Variants in TMEM132D observed in about 807,000 individuals in gnomAD.
The protein encoded by TMEM132D is transmembrane protein 132D.
Under a neutral mutation model 62.3 loss-of-function variants are expected in TMEM132D, and 21 were observed. The observed-to-expected ratio is 0.34, with a 90% CI of 0.24 to 0.49. The LOEUF (loss-of-function observed/expected upper bound fraction) is 0.49, where lower values mean the gene tolerates loss of function less well. TMEM132D is among the 20% of genes least tolerant of loss of function. The probability of loss-of-function intolerance (pLI) is 0.99; values close to 1 mark genes in which losing one functional copy is unlikely to be tolerated. For missense variants in TMEM132D, 1,346 were observed against 1,402.8 expected (o/e 0.96, Z 0.65); for synonymous variants, 621 against 575.6 (o/e 1.08, Z -1.13).
intron 3 of TMEM132D, among the ~76,000 whole-genome samples, chr12:129,478,812 T>C (rs1874346381): frequency 6.6e-6 from 1 of 152,186 alleles, no homozygotes; most frequent in South Asian, 2.1e-4. Context: ...ATCCGAGCTT[T>C]AGTCCCTTGA....
At chr12:129,193,861 T>A (rs1878477340) in intron 5 of TMEM132D, among the ~76,000 whole-genome samples, 1 of 152,194 alleles carries the variant, frequency 6.6e-6, no homozygotes, top group Non-Finnish European at 1.5e-5. Flanking sequence ...GACTACAATG[T>A]GTGCTAAGTG....
At chr12:129,548,690 A>T (rs1876806656) in intron 2 of TMEM132D, among the ~76,000 whole-genome samples, 1 of 143,554 alleles carries the variant, frequency 7.0e-6, no homozygotes, top group African/African-American at 2.6e-5. Context: ...CTCACACTTC[A>T]CATGTGACCT....
At chr12:129,538,834 A>C (rs865985075) in intron 2 of TMEM132D, among the ~76,000 whole-genome samples, 1 of 151,766 alleles carries the variant, frequency 6.6e-6, no homozygotes, top group African/African-American at 2.4e-5. Context: ...CCCTGGCAAT[A>C]GGTCAGAAGG....
At chr12:129,075,359 G>C (rs752584660) in intron 8 of TMEM132D, among the ~76,000 whole-genome samples, 6 of 150,996 alleles carry the variant, frequency 4.0e-5, no homozygotes, top group Non-Finnish European at 7.4e-5. Flanking sequence ...ATAAAAGGAA[G>C]ATGGGCCCTT....
At chr12:129,552,649 CATCT>C (rs999531355) in intron 2 of TMEM132D, among the ~76,000 whole-genome samples, 3 of 152,140 alleles carry the variant, frequency 2.0e-5, no homozygotes, top group Admixed American at 1.3e-4. Flanking sequence ...ATCTACATAG[CATCT>C]ATCTACCTAC....
At chr12:129,262,085 ATT>A (rs145712166) in intron 4 of TMEM132D, among the ~76,000 whole-genome samples, 2 of 152,102 alleles carry the variant, frequency 1.3e-5, no homozygotes, top group South Asian at 4.2e-4. Flanking sequence ...CTGGCTGAAA[ATT>A]TGCATCCAGA....
chr12:129,455,140 T>C (rs1259926783), intron 3 of TMEM132D, among the ~76,000 whole-genome samples: 1 of 152,212 alleles, frequency 6.6e-6, no homozygotes, highest in Non-Finnish European at 1.5e-5. Flanking sequence ...AAGCATGCTA[T>C]TAGGTTCCAG....
chr12:129,494,739 T>G (rs1248405947), intron 3 of TMEM132D, among the ~76,000 whole-genome samples: 1 of 152,156 alleles, frequency 6.6e-6, no homozygotes, highest in African/African-American at 2.4e-5. Context: ...CTCCTACAAC[T>G]GAATAAAATC....
intron 2 of TMEM132D, among the ~76,000 whole-genome samples, chr12:129,697,768 G>A (rs1881241105): frequency 6.6e-6 from 1 of 152,140 alleles, no homozygotes; most frequent in Non-Finnish European, 1.5e-5. Context: ...CACACATAGT[G>A]AATTTCTCTT....
intron 4 of TMEM132D, among the ~76,000 whole-genome samples, chr12:129,230,694 C>G (rs1034059877): frequency 5.9e-5 from 9 of 152,192 alleles, no homozygotes; most frequent in African/African-American, 2.2e-4. Flanking sequence ...TGAGAGCTCC[C>G]ATGAACTCAA....
In TMEM132D at chr12:129,835,474, A is replaced by G. The variant is rs565110017; in HGVS notation, c.79+67787T>C. Among the ~76,000 whole-genome samples the G allele has an allele frequency of 1.1e-4, 16 of 152,174 alleles. No individual in the cohort carries two copies. In the East Asian group the frequency reaches 2.9e-3, roughly 28 times the overall value. ...TCCGGCTAATTGTTTTATTTTTAGT[A>G]GAGACAAGGTTTCACCATGTTGTCC... On this transcript the variant is annotated intron_variant, in intron 1 of 8. Transcript: ENST00000422113.
At chr12:129,198,557 C>T (rs1205186762) in intron 5 of TMEM132D, among the ~76,000 whole-genome samples, 2 of 152,072 alleles carry the variant, frequency 1.3e-5, no homozygotes, top group East Asian at 3.8e-4. Context: ...ATTCACAAGG[C>T]CCAGAAAGAC....
At chr12:129,432,651 ATTTCTGGGCCACCTCCTT>A (rs777062048) in intron 3 of TMEM132D, among the ~76,000 whole-genome samples, 6 of 152,214 alleles carry the variant, frequency 3.9e-5, no homozygotes, top group South Asian at 2.1e-4. Context: ...TGCAGTAACC[ATTTCTGGGCCACCTCCTT>A]TTAATTAATT....
chr12:129,614,025 G>C (rs1203706282), intron 2 of TMEM132D, among the ~76,000 whole-genome samples: 1 of 151,602 alleles, frequency 6.6e-6, no homozygotes, highest in African/African-American at 2.4e-5. Flanking sequence ...CAGAACCCAG[G>C]TGACTGTCTC....
At position 129,073,105 on chromosome 12, in the gene TMEM132D, A is replaced by C. The variant is rs1404691459; in HGVS notation, c.*770T>G. On this transcript the variant is annotated 3_prime_UTR_variant, in exon 9 of 9. Coordinates refer to ENST00000422113, the MANE Select transcript of TMEM132D (RefSeq NM_133448.3). ...TGGATACATTGTGAACTTGATATGAATCAAAAGAGCGTGGTTCTTTGAACC... is the reference window on the plus strand; with the variant it reads ...TGGATACATTGTGAACTTGATATGACTCAAAAGAGCGTGGTTCTTTGAACC... 1 of 152,242 alleles carries C rather than the reference A, an allele frequency of 6.6e-6. No homozygotes were observed. The highest frequency in any genetic ancestry group is 1.9e-4 in the East Asian group (1 of 5,196). The allele number at this position is 152,242 out of a possible 1,614,324, so 9.4% of individuals were successfully genotyped here.
chr12:129,817,864 GTGTA>G (rs987642435), intron 1 of TMEM132D, among the ~76,000 whole-genome samples: 4 of 148,946 alleles, frequency 2.7e-5, no homozygotes, highest in African/African-American at 7.4e-5. Context: ...GTGGTGTGAG[GTGTA>G]TGTGTGTGTG....
At chr12:129,158,300 G>A (rs987232945) in intron 5 of TMEM132D, among the ~76,000 whole-genome samples, 1 of 152,154 alleles carries the variant, frequency 6.6e-6, no homozygotes, top group Non-Finnish European at 1.5e-5. Context: ...GCAGGGGAGA[G>A]GAGGCAAAAT....
chr12:129,863,691 A>C (rs765580815), intron 1 of TMEM132D, among the ~76,000 whole-genome samples: 17 of 152,210 alleles, frequency 1.1e-4, no homozygotes, highest in Non-Finnish European at 1.8e-4. Flanking sequence ...CCCAGAAAAG[A>C]AGCAAGATTT....
intron 1 of TMEM132D, among the ~76,000 whole-genome samples, chr12:129,870,050 G>A (rs767534720): frequency 6.6e-6 from 1 of 152,172 alleles, no homozygotes; most frequent in Non-Finnish European, 1.5e-5. Context: ...GTGCAGAGGT[G>A]TGATCATGGC....
Sources: allele counts gnomAD v4.1 joint callset (sites outside exome capture counted in the v4.1 genomes callset), GRCh38; gene constraint gnomAD v4.1.1; transcripts MANE v1.5; gene names NCBI Gene and HGNC (gene_info 2026-07-23, HGNC 2026-07-21).